FLI1: variants seen among roughly 807,000 people sequenced by gnomAD.
FLI1 encodes the protein Fli-1 proto-oncogene, ETS transcription factor.
FLI1 carries 13 observed loss-of-function variants against 53.1 expected under a neutral mutation model. That is an observed-to-expected ratio of 0.24 (90% confidence interval 0.16 to 0.39). The LOEUF is 0.39. Among genes scored for constraint, FLI1 ranks in the 10% least tolerant of loss-of-function variants. The pLI, the probability that FLI1 is intolerant of heterozygous loss-of-function variation, is 1.00. For synonymous variants in FLI1, 244 were observed against 236.7 expected, an observed-to-expected ratio of 1.03 and a Z score of -0.28; for missense variants, 424 against 600.5, an observed-to-expected ratio of 0.71 and a Z score of 3.07.
intron 1 of FLI1, among the ~76,000 whole-genome samples, chr11:128,705,875 A>G (rs1319795652): frequency 6.6e-6 from 1 of 152,094 alleles, no homozygotes; most frequent in Non-Finnish European, 1.5e-5. Context: ...TTCATTCTCA[A>G]TGCGTAGGGC....
chr11:128,757,643 G>A (rs542955162), intron 1 of FLI1, among the ~76,000 whole-genome samples: 1 of 152,322 alleles, frequency 6.6e-6, no homozygotes, highest in African/African-American at 2.4e-5. Flanking sequence ...TAGCCTCTCT[G>A]GGTGGATCTC....
intron 1 of FLI1, among the ~76,000 whole-genome samples, chr11:128,687,844 AG>A (rs1420919325): frequency 1.3e-5 from 2 of 152,186 alleles, no homozygotes; most frequent in African/African-American, 4.8e-5. Flanking sequence ...TGGCCCAAAA[AG>A]GGGTGTTTCA....
chr11:128,784,865 G>A (rs529813388), intron 5 of FLI1, among the ~76,000 whole-genome samples: 1 of 152,334 alleles, frequency 6.6e-6, no homozygotes, highest in African/African-American at 2.4e-5. Flanking sequence ...AGCTGTGTGT[G>A]TGTGTGTGTG....
chr11:128,702,817 G>A (rs1488538114), intron 1 of FLI1, among the ~76,000 whole-genome samples: 5 of 151,342 alleles, frequency 3.3e-5, no homozygotes, highest in Non-Finnish European at 5.9e-5. Context: ...AGCCAAGATC[G>A]TGCCTCTGCA....
At chr11:128,716,400 T>C (rs1939016279) in intron 1 of FLI1, among the ~76,000 whole-genome samples, 1 of 152,180 alleles carries the variant, frequency 6.6e-6, no homozygotes, top group Non-Finnish European at 1.5e-5. Flanking sequence ...GCAGTTATTC[T>C]TCTGTCTGGT....
At chr11:128,747,205 C>T (rs904276641) in intron 1 of FLI1, among the ~76,000 whole-genome samples, 5 of 152,260 alleles carry the variant, frequency 3.3e-5, no homozygotes, top group African/African-American at 1.2e-4. Flanking sequence ...CGGTGCCCAT[C>T]ACCTGCCCTT....
At chr11:128,807,298 TG>T in intron 7 of FLI1, 59 bp downstream of exon 7, 1 of 1,209,772 alleles carries the variant, frequency 8.3e-7, no homozygotes. Flanking sequence ...TGATTTCACA[TG>T]GTCAACTGAT....
At chr11:128,788,910 G>T (rs528868534) in intron 5 of FLI1, among the ~76,000 whole-genome samples, 1 of 152,236 alleles carries the variant, frequency 6.6e-6, no homozygotes, top group Non-Finnish European at 1.5e-5. Flanking sequence ...CCTCAAGCAG[G>T]TTCTAGTCAA....
upstream of FLI1, among the ~76,000 whole-genome samples, chr11:128,685,141 A>G (rs1004455874): frequency 6.6e-6 from 1 of 152,246 alleles, no homozygotes; most frequent in Admixed American, 6.5e-5. Flanking sequence ...CAGTGCACGC[A>G]TAGCTCCTGC....
At chr11:128,719,410 T>C (rs1295894111) in intron 1 of FLI1, among the ~76,000 whole-genome samples, 1 of 149,302 alleles carries the variant, frequency 6.7e-6, no homozygotes, top group Admixed American at 6.8e-5. Context: ...ATCTGTAATA[T>C]TTATTTACTT....
chr11:128,751,617 C>G lies in FLI1; in HGVS notation c.19-6498C>G, dbSNP rs995192149. Among the ~76,000 whole-genome samples, 7 of 151,544 alleles carry G rather than the reference C, an allele frequency of 4.6e-5. 1 individual carries two copies. Among genetic ancestry groups the G allele is most frequent in the African/African-American group, 1.5e-4 (6 of 41,156 alleles). On this transcript the variant is annotated intron_variant, in intron 1 of 8. Transcript: ENST00000527786. ...TCTCGGCTCACTGCAAGCTCTGCCT[C>G]CCGGGTTCACGCCATTCTCCCACCT...
intron 4 of FLI1, among the ~76,000 whole-genome samples, chr11:128,779,713 G>T (rs1431574779): frequency 2.0e-5 from 3 of 152,196 alleles, no homozygotes; most frequent in African/African-American, 7.2e-5. Context: ...AATCAGTGGA[G>T]GGCACAAAGC....
intron 2 of FLI1, among the ~76,000 whole-genome samples, chr11:128,762,889 G>A (rs995609816): frequency 1.3e-5 from 2 of 152,070 alleles, no homozygotes; most frequent in African/African-American, 4.8e-5. Flanking sequence ...CTGGGAGACG[G>A]AGGTTGCTGT....
chr11:128,789,066 A>G (rs1942187034), intron 5 of FLI1, among the ~76,000 whole-genome samples: 1 of 152,146 alleles, frequency 6.6e-6, no homozygotes, highest in South Asian at 2.1e-4. Flanking sequence ...ATAGTAAAAG[A>G]TGGAGGCCTC....
intron 7 of FLI1, among the ~76,000 whole-genome samples, chr11:128,808,144 C>T (rs1161576090): frequency 3.3e-5 from 5 of 152,078 alleles, no homozygotes; most frequent in Non-Finnish European, 7.4e-5. Context: ...CCAATAACAA[C>T]AAAATTATGC....
chr11:128,712,914 G>T (rs1938846801), intron 1 of FLI1, among the ~76,000 whole-genome samples: 1 of 152,188 alleles, frequency 6.6e-6, no homozygotes, highest in African/African-American at 2.4e-5. Flanking sequence ...TACACCTCCT[G>T]TGGTTTTAGA....
chr11:128,811,065 A>G lies in FLI1; in HGVS notation c.*77A>G. The G allele has an allele frequency of 2.2e-6, 3 of 1,390,212 alleles. No homozygotes were observed. The highest frequency in any genetic ancestry group is 3.0e-6 in the Non-Finnish European group (3 of 987,504). The allele number at this position is 1,390,212 out of a possible 1,614,324, so 86.1% of individuals were successfully genotyped here. ...GGATGCTTTGGACTCAACAGGACAT[A>G]TGTGGCCTTGAAGGGAAGACAAAAC... On this transcript the variant is annotated 3_prime_UTR_variant, in exon 9 of 9. Transcript: ENST00000527786.
chr11:128,710,245 A>G (rs997232953), intron 1 of FLI1, among the ~76,000 whole-genome samples: 1 of 152,220 alleles, frequency 6.6e-6, no homozygotes, highest in Non-Finnish European at 1.5e-5. Context: ...TAGCTCAAAA[A>G]TGAAGAGATG....
rs536933507 is a variant in FLI1, at chr11:128,802,194, T to A, written c.656-3172T>A. 2.6e-5 allele frequency among the ~76,000 whole-genome samples: 4 copies of A among 152,344 alleles called. No individual in the cohort carries two copies. The South Asian group carries it at 8.3e-4, about 32-fold the overall frequency. On this transcript the variant is annotated intron_variant, in intron 5 of 8. Coordinates refer to ENST00000527786, the MANE Select transcript of FLI1 (RefSeq NM_002017.5). Reference sequence around the variant, plus strand: ...TACCCCTAGGGCAGAATGCAAGACTTTAGTTCTTGGCCTTCTGCATCTTCA... The same window carrying A: ...TACCCCTAGGGCAGAATGCAAGACTATAGTTCTTGGCCTTCTGCATCTTCA...
Sources: gnomAD v4.1 joint callset for allele counts (sites outside exome capture counted in the v4.1 genomes callset) on GRCh38, gnomAD v4.1.1 for gene constraint, MANE v1.5 for transcripts, NCBI Gene and HGNC (gene_info 2026-07-23, HGNC 2026-07-21) for gene names.